CCDC88C: variants seen among roughly 807,000 people sequenced by gnomAD.
The protein encoded by CCDC88C is coiled-coil and HOOK domain protein 88C.
A neutral mutation model predicts 198.8 loss-of-function variants in CCDC88C; 131 were observed. The ratio of observed to expected loss-of-function variants is 0.66; its 90% CI spans 0.57 to 0.76. CCDC88C has a LOEUF of 0.76. Ranked by LOEUF, CCDC88C falls within the 30% of genes least tolerant of loss-of-function variation. CCDC88C has a pLI of 0.00. For synonymous variants in CCDC88C, 1,166 were observed against 1,114.7 expected (o/e 1.05, Z -0.92); for missense variants, 2,553 against 2,631.6 (o/e 0.97, Z 0.65).
intron 25 of CCDC88C, among the ~76,000 whole-genome samples, chr14:91,286,481 C>T (rs1890414123): frequency 6.6e-6 from 1 of 152,210 alleles, no homozygotes; most frequent in Non-Finnish European, 1.5e-5. Context: ...CTCCAATCCT[C>T]CACTCCTTAG....
At chr14:91,379,772 T>C (rs2139948491) in intron 3 of CCDC88C, 1 of 699,394 alleles carries the variant, frequency 1.4e-6, no homozygotes, top group Non-Finnish European at 2.6e-6. Flanking sequence ...CCGGGCCTCC[T>C]GCGGGGGTGT....
chr14:91,401,031 G>A (rs1423428626), intron 3 of CCDC88C, among the ~76,000 whole-genome samples: 1 of 151,502 alleles, frequency 6.6e-6, no homozygotes, highest in Non-Finnish European at 1.5e-5. Context: ...AGTATTTAAT[G>A]GCAGGGAAAA....
intron 4 of CCDC88C, among the ~76,000 whole-genome samples, chr14:91,357,458 G>C (rs904169137): frequency 6.6e-6 from 1 of 152,206 alleles, no homozygotes; most frequent in East Asian, 1.9e-4. Context: ...TCGCCAGCAC[G>C]CTCGGTCTTT....
chr14:91,309,751 C>T, intron 16 of CCDC88C, 108 bp downstream of exon 16: 1 of 1,207,506 alleles, frequency 8.3e-7, no homozygotes, highest in Non-Finnish European at 1.1e-6. Context: ...AGGTCACAGC[C>T]CTCGGCAGTA....
rs191646885 is a variant in CCDC88C, at chr14:91,289,301, G to C, written c.4245C>G (p.Ile1415Met). ...WIGAKALVKL[I>M]KPKKEGSRER... The stretch of plus-strand genomic sequence containing the variant: ...CCCTCGAACCCTCTTTCTTTGGTTT[G>C]ATGAGTTTGACTAAGGCTTTGGCTC... The change falls in exon 25 of 30, where the codon ATC (isoleucine) becomes ATG (methionine). Residue 1415 changes from isoleucine to methionine, a missense_variant. Transcript: ENST00000389857. 3.1e-6 allele frequency: 5 copies of C among 1,614,048 alleles called. No homozygotes were observed. Among genetic ancestry groups the C allele is most frequent in the Middle Eastern group, 3.3e-4 (2 of 6,062 alleles).
intron 3 of CCDC88C, among the ~76,000 whole-genome samples, chr14:91,397,168 T>C (rs1885897206): frequency 6.6e-6 from 1 of 151,602 alleles, no homozygotes; most frequent in African/African-American, 2.4e-5. Flanking sequence ...TGTCCAGAGG[T>C]GGGCAGGTCT....
At chr14:91,320,522 C>T (rs1002337275) in intron 13 of CCDC88C, among the ~76,000 whole-genome samples, 13 of 152,302 alleles carry the variant, frequency 8.5e-5, no homozygotes, top group African/African-American at 2.9e-4. Flanking sequence ...TAGGCAATAG[C>T]GGAGCCCACG....
At chr14:91,311,266 G>A (rs773151647) in intron 15 of CCDC88C, among the ~76,000 whole-genome samples, 5 of 152,322 alleles carry the variant, frequency 3.3e-5, no homozygotes, top group East Asian at 1.9e-4. Flanking sequence ...CTAACGAGCC[G>A]GGGCTCTGCC....
chr14:91,382,735 G>C (rs1379836294), intron 3 of CCDC88C, among the ~76,000 whole-genome samples: 1 of 152,182 alleles, frequency 6.6e-6, no homozygotes, highest in Non-Finnish European at 1.5e-5. Context: ...GGACGACCTT[G>C]TCTGCTTGGA....
intron 24 of CCDC88C, among the ~76,000 whole-genome samples, chr14:91,289,841 G>A (rs1890583488): frequency 6.6e-6 from 1 of 152,114 alleles, no homozygotes; most frequent in Non-Finnish European, 1.5e-5. Context: ...GCTGGACACC[G>A]AGGGCATCCT....
rs577463004 is a variant in CCDC88C, at chr14:91,281,058, G to C, written c.4699+399C>G. 1.7e-4 allele frequency: 74 copies of C among 428,816 alleles called. No homozygotes were observed. The East Asian group carries it at 5.0e-3, about 29-fold the overall frequency. 26.6% of individuals were successfully genotyped at this position (428,816 alleles called of 1,614,324 possible). ...ATAACATGCTCGAATCCAATGACAA[G>C]TGCTTCTAACAATTTCCAAGACTAA... On this transcript the variant is annotated intron_variant, in intron 27 of 29. Coordinates refer to ENST00000389857, the MANE Select transcript of CCDC88C (RefSeq NM_001080414.4).
At chr14:91,307,005 C>A in intron 18 of CCDC88C, 33 bp downstream of exon 18, 1 of 1,570,404 alleles carries the variant, frequency 6.4e-7, no homozygotes, top group Non-Finnish European at 8.7e-7. Context: ...TCTCTCTGTC[C>A]CCGATGGACC....
At chr14:91,342,349 A>T in intron 6 of CCDC88C, 31 bp downstream of exon 6, 1 of 1,429,752 alleles carries the variant, frequency 7.0e-7, no homozygotes, top group Middle Eastern at 1.8e-4. Context: ...AGCAGTCCAC[A>T]GCTGAGCCCA....
chr14:91,353,797 C>T (rs1053919468), intron 4 of CCDC88C, among the ~76,000 whole-genome samples: 1 of 152,226 alleles, frequency 6.6e-6, no homozygotes, highest in Non-Finnish European at 1.5e-5. Flanking sequence ...GGCCGCTGAA[C>T]GGCAATTAAT....
intron 4 of CCDC88C, among the ~76,000 whole-genome samples, chr14:91,348,322 TAAAAAA>T (rs11449969): frequency 8.5e-6 from 1 of 117,894 alleles, no homozygotes; most frequent in Non-Finnish European, 1.7e-5. Flanking sequence ...CTATCTCTAT[TAAAAAA>T]AAAAAAAAAA....
intron 13 of CCDC88C, among the ~76,000 whole-genome samples, chr14:91,318,892 C>G (rs567030404): frequency 2.4e-4 from 31 of 131,400 alleles, no homozygotes; most frequent in African/African-American, 8.8e-4. Flanking sequence ...GCACTCCAGC[C>G]TGGACAACAG....
At chr14:91,283,098 G>A (rs1458648863) in intron 26 of CCDC88C, among the ~76,000 whole-genome samples, 1 of 152,152 alleles carries the variant, frequency 6.6e-6, no homozygotes, top group African/African-American at 2.4e-5. Context: ...TGGTGGCAGT[G>A]GGTTCTGAGG....
At chr14:91,286,920 C>G (rs545706430) in intron 25 of CCDC88C, among the ~76,000 whole-genome samples, 1 of 152,202 alleles carries the variant, frequency 6.6e-6, no homozygotes, top group African/African-American at 2.4e-5. Context: ...TTGATAGGGT[C>G]GTTAGGATTC....
chr14:91,387,161 C>A (rs1885196668), intron 3 of CCDC88C, among the ~76,000 whole-genome samples: 1 of 152,156 alleles, frequency 6.6e-6, no homozygotes, highest in Non-Finnish European at 1.5e-5. Flanking sequence ...AGGACTTGTT[C>A]TGGGAAAAGA....
Sources: gnomAD v4.1 joint callset for allele counts (sites outside exome capture counted in the v4.1 genomes callset) on GRCh38, gnomAD v4.1.1 for gene constraint, MANE v1.5 for transcripts, NCBI Gene and HGNC (gene_info 2026-07-23, HGNC 2026-07-21) for gene names.